CHSY3: variants seen among roughly 807,000 people sequenced by gnomAD.
CHSY3 encodes chondroitin sulfate synthase 3, also known as N-acetylgalactosaminyl-proteoglycan 3-beta-glucuronosyltransferase 3.
In CHSY3, 35 loss-of-function variants were observed where a neutral mutation model predicts 67.2. The ratio of observed to expected loss-of-function variants is 0.52; its 90% CI spans 0.40 to 0.69. The LOEUF (loss-of-function observed/expected upper bound fraction) is 0.69. Ranked by LOEUF, CHSY3 falls within the 30% of genes least tolerant of loss-of-function variation. The pLI is 0.00. For missense variants in CHSY3, 1,069 were observed against 1,138.5 expected (o/e 0.94, Z 0.88); for synonymous variants, 474 against 434.7 (o/e 1.09, Z -1.12).
chr5:130,020,418 T>A (rs1764334585), intron 2 of CHSY3, among the ~76,000 whole-genome samples: 2 of 79,932 alleles, frequency 2.5e-5, no homozygotes, highest in East Asian at 3.7e-4. Context: ...AGACTTCATC[T>A]CAAAATATAT....
At chr5:129,957,709 TC>T (rs1197135725) in intron 2 of CHSY3, among the ~76,000 whole-genome samples, 1 of 152,148 alleles carries the variant, frequency 6.6e-6, no homozygotes, top group Non-Finnish European at 1.5e-5. Context: ...AATCATTACT[TC>T]CTTGCCTCTC....
intron 2 of CHSY3, among the ~76,000 whole-genome samples, chr5:130,053,472 G>T (rs746545499): frequency 6.6e-6 from 1 of 152,072 alleles, no homozygotes; most frequent in Non-Finnish European, 1.5e-5. Context: ...TAGTAATGAT[G>T]GTCATTCCTC....
intron 2 of CHSY3, among the ~76,000 whole-genome samples, chr5:130,079,467 G>T (rs968677208): frequency 6.6e-6 from 1 of 152,036 alleles, no homozygotes; most frequent in East Asian, 1.9e-4. Flanking sequence ...ATCTTGTTAG[G>T]TTTAAAAGCA....
intron 2 of CHSY3, among the ~76,000 whole-genome samples, chr5:129,924,409 A>T (rs1402566317): frequency 6.6e-6 from 1 of 152,046 alleles, no homozygotes; most frequent in Non-Finnish European, 1.5e-5. Flanking sequence ...GCACTTTGGG[A>T]GGCCGAGGCA....
Position 130,182,419 on chromosome 5 carries a change from AT to A in CHSY3, c.1087-1802del, listed in dbSNP as rs199669200. Among the ~76,000 whole-genome samples the A allele has an allele frequency of 4.6e-5, 7 of 151,446 alleles. No individual in the cohort carries two copies. The South Asian group carries it at 8.4e-4, about 18-fold the overall frequency. ...GGTTCTTTTTCATAAAATCTATTGA[AT>A]TTTTTTTCTCCTGCTCTGTAATTGC... On this transcript the variant is annotated intron_variant, in intron 2 of 2. Transcript: ENST00000305031.
chr5:129,978,763 A>G (rs1278704631), intron 2 of CHSY3, among the ~76,000 whole-genome samples: 1 of 152,156 alleles, frequency 6.6e-6, no homozygotes, highest in East Asian at 1.9e-4. Context: ...AATATATAAA[A>G]GTATTTTAAT....
chr5:130,178,585 C>G (rs1770152010), intron 2 of CHSY3, among the ~76,000 whole-genome samples: 1 of 152,002 alleles, frequency 6.6e-6, no homozygotes, highest in African/African-American at 2.4e-5. Context: ...TATCTTCCCT[C>G]ACTTTTCTGA....
At chr5:130,136,585 G>T (rs1334946612) in intron 2 of CHSY3, among the ~76,000 whole-genome samples, 2 of 152,116 alleles carry the variant, frequency 1.3e-5, no homozygotes, top group East Asian at 3.9e-4. Flanking sequence ...ATAATGGAAA[G>T]AAAATAATAG....
chr5:130,177,211 G>GTA (rs1180094651), intron 2 of CHSY3, among the ~76,000 whole-genome samples: 7 of 150,322 alleles, frequency 4.7e-5, no homozygotes, highest in Non-Finnish European at 7.4e-5. Flanking sequence ...ATGAGTGTGT[G>GTA]TATATATATG....
intron 2 of CHSY3, among the ~76,000 whole-genome samples, chr5:130,097,377 T>C (rs1767084290): frequency 6.6e-6 from 1 of 152,230 alleles, no homozygotes; most frequent in African/African-American, 2.4e-5. Context: ...GTGAGCAGCC[T>C]CAGGGAAGAG....
chr5:129,952,516 CT>C (rs1762051649), intron 2 of CHSY3, among the ~76,000 whole-genome samples: 2 of 152,070 alleles, frequency 1.3e-5, no homozygotes, highest in African/African-American at 4.8e-5. Context: ...ATGTTTTCAC[CT>C]TATGTTTTAA....
intron 2 of CHSY3, among the ~76,000 whole-genome samples, chr5:130,008,020 A>G (rs1233245669): frequency 6.6e-6 from 1 of 152,152 alleles, no homozygotes; most frequent in African/African-American, 2.4e-5. Context: ...GTGTAACCAC[A>G]TGCAGCCTCC....
intron 2 of CHSY3, among the ~76,000 whole-genome samples, chr5:129,974,352 C>T (rs1162455192): frequency 3.3e-5 from 5 of 152,138 alleles, no homozygotes; most frequent in Admixed American, 1.3e-4. Context: ...GGTGATACTG[C>T]GACCTTTAAT....
At chr5:129,941,326 C>A (rs1046013982) in intron 2 of CHSY3, among the ~76,000 whole-genome samples, 3 of 152,240 alleles carry the variant, frequency 2.0e-5, no homozygotes, top group Admixed American at 6.5e-5. Flanking sequence ...AACACATGCA[C>A]AACAAATGTA....
intron 2 of CHSY3, chr5:130,114,430 C>T (rs73785892): frequency 2.6e-4 from 39 of 152,056 alleles, no homozygotes; most frequent in African/African-American, 9.4e-4. Context: ...CATGAACGCG[C>T]CCAATCTCGT....
intron 2 of CHSY3, among the ~76,000 whole-genome samples, chr5:129,999,358 A>G (rs1291269106): frequency 6.6e-6 from 1 of 152,182 alleles, no homozygotes; most frequent in Non-Finnish European, 1.5e-5. Context: ...GAAGAGGCTC[A>G]GAGAGGACTA....
intron 2 of CHSY3, among the ~76,000 whole-genome samples, chr5:130,053,663 C>T (rs1377281771): frequency 6.6e-6 from 1 of 152,038 alleles, no homozygotes; most frequent in Non-Finnish European, 1.5e-5. Context: ...AGTCTCTATT[C>T]TTTATAGCAG....
At chr5:130,108,645 A>G (rs1719660359) in intron 2 of CHSY3, among the ~76,000 whole-genome samples, 1 of 151,670 alleles carries the variant, frequency 6.6e-6, no homozygotes, top group African/African-American at 2.4e-5. Flanking sequence ...AGGTTTTATC[A>G]AAGATGAGGT....
At chr5:129,939,050 G>A (rs1761609574) in intron 2 of CHSY3, among the ~76,000 whole-genome samples, 1 of 152,172 alleles carries the variant, frequency 6.6e-6, no homozygotes, top group South Asian at 2.1e-4. Context: ...AGTTCTGCTG[G>A]CTGTACAGGC....
Sources: allele counts gnomAD v4.1 joint callset (sites outside exome capture counted in the v4.1 genomes callset), GRCh38; gene constraint gnomAD v4.1.1; transcripts MANE v1.5; gene names NCBI Gene and HGNC (gene_info 2026-07-23, HGNC 2026-07-21).